XPOT: variants seen among roughly 807,000 people sequenced by gnomAD.
The protein encoded by XPOT is exportin for tRNA.
In XPOT, 34 loss-of-function variants were observed where a neutral mutation model predicts 128.2. The ratio of observed to expected loss-of-function variants is 0.27; its 90% CI spans 0.20 to 0.35. The LOEUF (loss-of-function observed/expected upper bound fraction) is 0.35. XPOT is among the 10% of genes least tolerant of loss of function. The probability of loss-of-function intolerance (pLI) is 1.00; values close to 1 mark genes in which losing one functional copy is unlikely to be tolerated. For missense variants in XPOT, 838 were observed against 1,125.3 expected, an observed-to-expected ratio of 0.74 and a Z score of 3.65; for synonymous variants, 348 against 394.3, an observed-to-expected ratio of 0.88 and a Z score of 1.39.
rs1399333062 is a variant in XPOT at position 64,450,115 on chromosome 12, CAT to C, written c.*1987_*1988del. 6.6e-6 allele frequency: 1 copy of C among 151,884 alleles called. No individual in the cohort carries two copies. The highest frequency in any genetic ancestry group is 1.5e-5 in the Non-Finnish European group (1 of 67,990). 9.4% of individuals were successfully genotyped at this position (151,884 alleles called of 1,614,324 possible). The stretch of plus-strand genomic sequence containing the variant: ...ATAGTAGTTTATATGGATGCTATCT[CAT>C]ATTAGCATATATGGAATTAATAGTG... On this transcript the variant is annotated 3_prime_UTR_variant, in exon 25 of 25. Transcript: ENST00000332707.
rs770380007 is a variant in XPOT, at chr12:64,445,059, T to G, written c.2806-16T>G. On this transcript the variant is annotated splice_polypyrimidine_tract_variant and intron_variant, in intron 23 of 24. Transcript: ENST00000332707. Reference sequence around the variant, plus strand: ...ATACATTTGTTCTTTTTCTCCCTCTTTTCCCCACCCCCCAGGAGTTTTGTC... The same window carrying G: ...ATACATTTGTTCTTTTTCTCCCTCTGTTCCCCACCCCCCAGGAGTTTTGTC... 2 of 1,599,020 alleles carry G rather than the reference T, an allele frequency of 1.3e-6. No homozygotes were observed. Among genetic ancestry groups the G allele is most frequent in the Middle Eastern group, 1.7e-4 (1 of 5,994 alleles).
At chr12:64,439,217 T>C (rs2040306066) in intron 22 of XPOT, 27 bp from the exon 23 acceptor site, 4 of 1,602,614 alleles carry the variant, frequency 2.5e-6, no homozygotes, top group Middle Eastern at 1.7e-4. Context: ...AGCAAGAAAA[T>C]AGTTGTAAGT....
At chr12:64,427,649 G>A (rs955846736) in intron 15 of XPOT, among the ~76,000 whole-genome samples, 129 of 151,816 alleles carry the variant, frequency 8.5e-4, no homozygotes, top group African/African-American at 3.1e-3. Flanking sequence ...GGCGTGTGAC[G>A]ATGGCCGGCT....
rs2136029609 is a variant in XPOT, at chr12:64,431,706, G to A, written c.2145G>A (p.Leu715=). The change falls in exon 18 of 25, where the codon CTG becomes CTA. Residue 715 remains leucine, a synonymous_variant. Transcript: ENST00000332707. ...TCCTTCATCGAATGATTATTTGCCT[G>A]GAGGAAGAAGTTCTTCCGTTCATTC... ...RTFLHRMIIC[L]EEEVLPFIPS... 6.2e-7 allele frequency: 1 copy of A among 1,614,008 alleles called. No homozygotes were observed. The highest frequency in any genetic ancestry group is 2.2e-5 in the East Asian group (1 of 44,860).
chr12:64,446,682 T>C (rs2040369822), intron 24 of XPOT, among the ~76,000 whole-genome samples: 4 of 151,908 alleles, frequency 2.6e-5, no homozygotes, highest in Non-Finnish European at 5.9e-5. Flanking sequence ...CTTGCAGAAA[T>C]GGTCTTTACT....
chr12:64,439,453 G>A, intron 23 of XPOT, 138 bp downstream of exon 23: 1 of 727,364 alleles, frequency 1.4e-6, no homozygotes. Context: ...TACTGTTTAT[G>A]CTTATCACCA....
At chr12:64,429,335 T>C (rs2040217906) in intron 16 of XPOT, among the ~76,000 whole-genome samples, 1 of 152,208 alleles carries the variant, frequency 6.6e-6, no homozygotes, top group South Asian at 2.1e-4. Flanking sequence ...CCACATAGTC[T>C]ACTTGGACTG....
chr12:64,431,810 C>T lies in XPOT; in HGVS notation c.2249C>T (p.Thr750Met), dbSNP rs755439104. Residue 750 changes from threonine (T) to methionine (M), a missense_variant, in exon 18 of 25, where the codon ACG becomes ATG. This residue lies in a region of XPOT where 761 missense variants were observed against 988.3 expected (regional missense o/e 0.77). Transcript: ENST00000332707. ...TTCATTCCTCTTATCAACCAGATTA[C>T]GGCCAAATTCAAGGTACCGCAAACT... ...QEFIPLINQI[T>M]AKFKIQVSPF... 2.0e-5 allele frequency: 33 copies of T among 1,611,418 alleles called. No individual in the cohort carries two copies. In the Admixed American group the frequency reaches 2.5e-4, roughly 12 times the overall value.
chr12:64,436,398 C>T (rs78114666), intron 22 of XPOT, among the ~76,000 whole-genome samples: 9 of 152,062 alleles, frequency 5.9e-5, no homozygotes, highest in African/African-American at 2.2e-4. Flanking sequence ...GCTGGGACCA[C>T]ACAGATGCAT....
intron 15 of XPOT, among the ~76,000 whole-genome samples, chr12:64,426,268 C>T (rs1321363277): frequency 1.4e-5 from 2 of 139,068 alleles, no homozygotes; most frequent in African/African-American, 2.7e-5. Flanking sequence ...GATCACACTC[C>T]AGCCTGGGTG....
At chr12:64,422,002 G>T (rs768860413) in intron 9 of XPOT, among the ~76,000 whole-genome samples, 2 of 151,998 alleles carry the variant, frequency 1.3e-5, no homozygotes, top group Non-Finnish European at 2.9e-5. Flanking sequence ...AGTAGACAGG[G>T]TTTCTCCATG....
rs2040239810 is a variant in XPOT at position 64,431,678 on chromosome 12, C to CT, written c.2120dup (p.Leu708ProfsTer28). ...GATATTCTCAGAAGTGGAGTCCGTA[C>CT]TTTCCTTCATCGAATGATTATTTGC... On this transcript the variant is annotated frameshift_variant, in exon 18 of 25. Coordinates refer to ENST00000332707, the MANE Select transcript of XPOT (RefSeq NM_007235.6). LOFTEE classifies it high-confidence loss of function. 6.2e-7 allele frequency: 1 copy of CT among 1,613,834 alleles called. No homozygotes were observed. The highest frequency in any genetic ancestry group is 8.5e-7 in the Non-Finnish European group (1 of 1,179,904).
intron 2 of XPOT, among the ~76,000 whole-genome samples, chr12:64,410,549 T>G (rs1042506895): frequency 6.6e-6 from 1 of 152,206 alleles, no homozygotes; most frequent in Non-Finnish European, 1.5e-5. Context: ...CTCGAACTCC[T>G]GAGCTCAAGC....
At chr12:64,412,135 T>G (rs921210376) in intron 2 of XPOT, among the ~76,000 whole-genome samples, 1 of 150,312 alleles carries the variant, frequency 6.7e-6, no homozygotes, top group Non-Finnish European at 1.5e-5. Flanking sequence ...GAGATTCTCC[T>G]GCCTCAGCTG....
At chr12:64,437,833 A>G (rs934875566) in intron 22 of XPOT, among the ~76,000 whole-genome samples, 1 of 152,194 alleles carries the variant, frequency 6.6e-6, no homozygotes, top group African/African-American at 2.4e-5. Flanking sequence ...AGAACCAGAT[A>G]GTCAGGTGTG....
chr12:64,415,621 C>T (rs890956684), intron 3 of XPOT, among the ~76,000 whole-genome samples: 10 of 152,222 alleles, frequency 6.6e-5, no homozygotes, highest in East Asian at 1.9e-4. Context: ...CCTTGTGATC[C>T]GCCCGTCTCG....
rs757244558 is a variant in XPOT, at chr12:64,433,308, C to T, written c.2263-106C>T. 200 of 1,024,622 alleles carry T rather than the reference C, an allele frequency of 2.0e-4. 1 individual carries two copies. Among genetic ancestry groups the T allele is most frequent in the Middle Eastern group, 3.3e-4 (1 of 3,012 alleles). The allele number at this position is 1,024,622 out of a possible 1,614,324, so 63.5% of individuals were successfully genotyped here. A position where few individuals can be genotyped will look rare whatever the true frequency, so the allele number is the denominator to read the frequency against. On this transcript the variant is annotated intron_variant, in intron 18 of 24. Coordinates refer to ENST00000332707, the MANE Select transcript of XPOT (RefSeq NM_007235.6). ...TGATATTTGCTAACTGAATTATGTA[C>T]GCATGCATCCTAAATAGAAAAGAAA...
At chr12:64,412,326 C>T (rs962815867) in intron 2 of XPOT, among the ~76,000 whole-genome samples, 1 of 152,022 alleles carries the variant, frequency 6.6e-6, no homozygotes, top group Non-Finnish European at 1.5e-5. Context: ...CGCCCAGCCT[C>T]CTCCTTTTTA....
At chr12:64,423,872 CTG>C (rs1279252261) in intron 11 of XPOT, among the ~76,000 whole-genome samples, 2 of 152,040 alleles carry the variant, frequency 1.3e-5, no homozygotes, top group East Asian at 1.9e-4. Flanking sequence ...AGTCACAAGA[CTG>C]TATTGGCAGA....
Sources: allele counts gnomAD v4.1 joint callset (sites outside exome capture counted in the v4.1 genomes callset), GRCh38; gene constraint gnomAD v4.1.1; regional missense constraint gnomAD v4.1.1; transcripts MANE v1.5; gene names NCBI Gene and HGNC (gene_info 2026-07-23, HGNC 2026-07-21).